Variants in SOX6 observed in about 807,000 individuals in gnomAD.
SOX6 encodes the protein SRY-box transcription factor 6, also known as transcription factor SOX-6.
Under a neutral mutation model 97.8 loss-of-function variants are expected in SOX6, and 11 were observed. The observed-to-expected ratio is 0.11, with a 90% CI of 0.07 to 0.19. The LOEUF (loss-of-function observed/expected upper bound fraction) is 0.19, where lower values mean the gene tolerates loss of function less well. SOX6 is among the 10% of genes least tolerant of loss of function. The pLI, the probability that SOX6 is intolerant of heterozygous loss-of-function variation, is 1.00. For missense variants in SOX6, 810 were observed against 1,039.5 expected (o/e 0.78, Z 3.04); for synonymous variants, 360 against 371.4 (o/e 0.97, Z 0.35).
chr11:16,086,263 T>A (rs957374750), intron 9 of SOX6, among the ~76,000 whole-genome samples: 1 of 152,220 alleles, frequency 6.6e-6, no homozygotes, highest in African/African-American at 2.4e-5. Flanking sequence ...CTATAATTAG[T>A]CTTGTCTCTC....
chr11:16,384,466 A>C (rs560333681), intron 1 of SOX6, among the ~76,000 whole-genome samples: 1 of 152,000 alleles, frequency 6.6e-6, no homozygotes, highest in Non-Finnish European at 1.5e-5. Context: ...AAATGCTAAA[A>C]GTAGATTCAT....
intron 1 of SOX6, among the ~76,000 whole-genome samples, chr11:16,462,686 C>T (rs553837244): frequency 3.3e-5 from 5 of 152,310 alleles, no homozygotes; most frequent in South Asian, 4.1e-4. Context: ...AACCAAGCCC[C>T]TGTGCCTGGC....
chr11:16,183,835 A>G, intron 6 of SOX6, 51 bp downstream of exon 6: 1 of 1,552,458 alleles, frequency 6.4e-7, no homozygotes, highest in Non-Finnish European at 8.9e-7. Flanking sequence ...TCCATTTTCA[A>G]GGAGGAAAGT....
chr11:16,044,702 G>A (rs771470610), intron 12 of SOX6, among the ~76,000 whole-genome samples: 12 of 152,080 alleles, frequency 7.9e-5, no homozygotes, highest in African/African-American at 1.2e-4. Flanking sequence ...AAATATATGT[G>A]CAAAACAGTA....
At chr11:16,055,974 C>A (rs1847806339) in intron 9 of SOX6, 73 bp from the exon 10 acceptor site, 17 of 1,530,432 alleles carry the variant, frequency 1.1e-5, no homozygotes, top group Non-Finnish European at 1.5e-5. Flanking sequence ...AAAAAACTTA[C>A]CATATTGTTA....
chr11:16,072,067 A>T (rs1164061398), intron 9 of SOX6, among the ~76,000 whole-genome samples: 1 of 152,192 alleles, frequency 6.6e-6, no homozygotes, highest in African/African-American at 2.4e-5. Flanking sequence ...GTACCCCAGC[A>T]ATGGTTCTTA....
intron 3 of SOX6, among the ~76,000 whole-genome samples, chr11:16,242,436 A>C (rs879285821): frequency 6.6e-6 from 1 of 151,962 alleles, no homozygotes; most frequent in Non-Finnish European, 1.5e-5. Flanking sequence ...CATTTCTCTG[A>C]ATGTATCCTC....
chr11:16,130,004 A>G (rs1359500629), intron 6 of SOX6, among the ~76,000 whole-genome samples: 1 of 152,012 alleles, frequency 6.6e-6, no homozygotes, highest in Non-Finnish European at 1.5e-5. Flanking sequence ...GTGTGGAAAG[A>G]AGTGACATTT....
At chr11:16,125,338 T>C (rs1847806847) in intron 6 of SOX6, among the ~76,000 whole-genome samples, 1 of 152,056 alleles carries the variant, frequency 6.6e-6, no homozygotes, top group South Asian at 2.1e-4. Context: ...CTTAGTTCAG[T>C]CTCTGTGTAG....
At chr11:16,691,235 G>A (rs1179544656) in intron 3 of SOX6, among the ~76,000 whole-genome samples, 1 of 152,204 alleles carries the variant, frequency 6.6e-6, no homozygotes, top group African/African-American at 2.4e-5. Context: ...CAAGGCAGCA[G>A]AGGAAGCTAG....
At chr11:16,339,965 A>AAATTAGTCT (rs1312744576) in intron 2 of SOX6, among the ~76,000 whole-genome samples, 1 of 152,018 alleles carries the variant, frequency 6.6e-6, no homozygotes, top group Non-Finnish European at 1.5e-5. Flanking sequence ...TTCAAAACTA[A>AAATTAGTCT]AATTAGTCTA....
intron 9 of SOX6, among the ~76,000 whole-genome samples, chr11:16,077,895 C>T (rs768926309): frequency 2.0e-5 from 3 of 151,956 alleles, no homozygotes; most frequent in Non-Finnish European, 4.4e-5. Flanking sequence ...ATTTGTACAA[C>T]AAACCCTTGT....
chr11:16,498,237 A>G (rs1247880484), intron 4 of SOX6, among the ~76,000 whole-genome samples: 1 of 151,978 alleles, frequency 6.6e-6, no homozygotes, highest in Non-Finnish European at 1.5e-5. Context: ...AGTGAAGGAG[A>G]ATTTACAGAG....
intron 3 of SOX6, among the ~76,000 whole-genome samples, chr11:16,294,052 A>C (rs562446762): frequency 6.6e-6 from 1 of 152,156 alleles, no homozygotes; most frequent in Non-Finnish European, 1.5e-5. Flanking sequence ...TAGGAAACAA[A>C]ATTTTAGAAG....
At chr11:16,529,136 C>T (rs1861206663) in intron 4 of SOX6, among the ~76,000 whole-genome samples, 1 of 152,016 alleles carries the variant, frequency 6.6e-6, no homozygotes, top group Non-Finnish European at 1.5e-5. Flanking sequence ...ACTATAATAG[C>T]AATGTAACTT....
At chr11:16,436,128 T>C (rs1167054689) in intron 1 of SOX6, among the ~76,000 whole-genome samples, 1 of 152,210 alleles carries the variant, frequency 6.6e-6, no homozygotes. Context: ...TAATGATTGC[T>C]GTTAAACCAC....
intron 3 of SOX6, among the ~76,000 whole-genome samples, chr11:16,278,205 A>G (rs1211324933): frequency 6.6e-6 from 1 of 152,174 alleles, no homozygotes; most frequent in Non-Finnish European, 1.5e-5. Flanking sequence ...AATGCCAAAT[A>G]ACGTTTTTTT....
At chr11:16,495,558 C>G (rs1220021487) in intron 4 of SOX6, among the ~76,000 whole-genome samples, 1 of 152,180 alleles carries the variant, frequency 6.6e-6, no homozygotes, top group Non-Finnish European at 1.5e-5. Flanking sequence ...TGGCACCCAC[C>G]CCCATGTGCC....
intron 9 of SOX6, among the ~76,000 whole-genome samples, chr11:16,079,123 G>T (rs984057637): frequency 6.6e-6 from 1 of 152,142 alleles, no homozygotes; most frequent in Non-Finnish European, 1.5e-5. Context: ...TGCCAGGGCT[G>T]CCTTGCCTTG....
Sources: allele counts gnomAD v4.1 joint callset (sites outside exome capture counted in the v4.1 genomes callset), GRCh38; gene constraint gnomAD v4.1.1; transcripts MANE v1.5; gene names NCBI Gene and HGNC (gene_info 2026-07-23, HGNC 2026-07-21).